The following GTF2A1 variants were observed in gnomAD, a reference collection of about 807,000 sequenced individuals.
GTF2A1 encodes the protein transcription initiation factor IIA subunit 1.
A neutral mutation model predicts 54.1 loss-of-function variants in GTF2A1; 12 were observed. That is an observed-to-expected ratio of 0.22 (90% CI 0.14 to 0.36). The LOEUF is 0.36. Among genes scored for constraint, GTF2A1 ranks in the 10% least tolerant of loss-of-function variants. The pLI, the probability that GTF2A1 is intolerant of heterozygous loss-of-function variation, is 1.00. For synonymous variants in GTF2A1, 145 were observed against 152.0 expected (o/e 0.95, Z 0.34); for missense variants, 335 against 442.2 (o/e 0.76, Z 2.17).
intron 3 of GTF2A1, 104 bp from the exon 4 acceptor site, chr14:81,201,762 TG>T: frequency 1.3e-6 from 1 of 747,576 alleles, no homozygotes; most frequent in Non-Finnish European, 2.4e-6. Flanking sequence ...ATGTTTTTCA[TG>T]TTTTCTGCAC....
intron 1 of GTF2A1, among the ~76,000 whole-genome samples, chr14:81,218,064 A>G (rs1781723946): frequency 1.3e-5 from 2 of 150,574 alleles, no homozygotes; most frequent in Admixed American, 1.3e-4. Flanking sequence ...AAGTGACTTA[A>G]CTGAATTACA....
chr14:81,181,956 C>T lies in GTF2A1; in HGVS notation c.1024-1626G>A, dbSNP rs1311798503. On this transcript the variant is annotated intron_variant, in intron 8 of 8. Coordinates refer to ENST00000553612, the MANE Select transcript of GTF2A1 (RefSeq NM_015859.4). ...TGGTTGTGCAGTGTCTGCTTAAATA[C>T]GATTAGAAACAGTGAGCAAAGAATT... 3.3e-5 allele frequency among the ~76,000 whole-genome samples: 5 copies of T among 152,290 alleles called. No homozygotes were observed. In the East Asian group the frequency reaches 7.7e-4, roughly 23 times the overall value.
intron 2 of GTF2A1, among the ~76,000 whole-genome samples, chr14:81,204,505 A>G (rs904265516): frequency 6.6e-6 from 1 of 152,206 alleles, no homozygotes; most frequent in Admixed American, 6.5e-5. Context: ...TAGAAAATAC[A>G]AAATTTTCTG....
chr14:81,202,568 G>C (rs1384530811), intron 3 of GTF2A1: 1 of 459,828 alleles, frequency 2.2e-6, no homozygotes, highest in East Asian at 5.7e-5. Context: ...AAATAAGTTC[G>C]GCATCAATAT....
intron 1 of GTF2A1, among the ~76,000 whole-genome samples, 153 bp downstream of exon 1, chr14:81,220,336 C>G (rs1460876466): frequency 1.5e-4 from 22 of 145,444 alleles, no homozygotes; most frequent in Non-Finnish European, 3.2e-4. Context: ...CGCTCCGGCC[C>G]GATCCGCCCG....
intron 2 of GTF2A1, among the ~76,000 whole-genome samples, chr14:81,216,064 A>G (rs1893482242): frequency 6.6e-6 from 1 of 152,218 alleles, no homozygotes; most frequent in African/African-American, 2.4e-5. Flanking sequence ...TCTTCCAGAC[A>G]TGTCAAGTAA....
At chr14:81,220,388 A>C in intron 1 of GTF2A1, 101 bp downstream of exon 1, 1 of 650,686 alleles carries the variant, frequency 1.5e-6, no homozygotes, top group Admixed American at 4.1e-5. Context: ...GGGCGGCTGA[A>C]GAGTCGAGGC....
intron 7 of GTF2A1, among the ~76,000 whole-genome samples, chr14:81,187,607 T>C (rs61980893): frequency 0.13 from 19,457 of 152,194 alleles, 1,436 homozygotes; most frequent in African/African-American, 0.2. Context: ...AATGGAATCA[T>C]ATAATATGTG....
At chr14:81,192,478 T>C (rs1434455783) in intron 7 of GTF2A1, 41 bp downstream of exon 7, 3 of 1,471,996 alleles carry the variant, frequency 2.0e-6, no homozygotes, top group Non-Finnish European at 2.8e-6. Flanking sequence ...AAAAAGGAAA[T>C]AATCAAGTAG....
intron 1 of GTF2A1, among the ~76,000 whole-genome samples, chr14:81,217,208 G>A (rs1184923828): frequency 6.6e-6 from 1 of 152,174 alleles, no homozygotes. Context: ...ACTACTTGGA[G>A]GAGCGGGAAG....
chr14:81,185,180 T>C (rs889317272), intron 8 of GTF2A1, among the ~76,000 whole-genome samples: 6 of 152,198 alleles, frequency 3.9e-5, no homozygotes, highest in African/African-American at 9.6e-5. Context: ...TTGAGATAGT[T>C]GAGGCTAAAT....
intron 6 of GTF2A1, among the ~76,000 whole-genome samples, chr14:81,193,167 CTTT>C (rs766925954): frequency 2.9e-5 from 4 of 139,768 alleles, no homozygotes; most frequent in Non-Finnish European, 4.7e-5. Flanking sequence ...CTGGGTCTAC[CTTT>C]TTTTTTTTTT....
At position 81,215,045 on chromosome 14, in the gene GTF2A1, T is replaced by G. The variant is rs1014322243; in HGVS notation, c.132+1368A>C. Among the ~76,000 whole-genome samples, 4 of 152,230 alleles carry G rather than the reference T, an allele frequency of 2.6e-5. No individual in the cohort carries two copies. In the South Asian group the frequency reaches 8.3e-4, roughly 31 times the overall value. ...CCATATAACTGTGAACTTTTCATAC[T>G]TTTAAAGTCCATTAATTTATCTTGC... On this transcript the variant is annotated intron_variant, in intron 2 of 8. Coordinates refer to ENST00000553612, the MANE Select transcript of GTF2A1 (RefSeq NM_015859.4).
At chr14:81,207,139 GTACCTACCTACCTACCTACC>G (rs58629753) in intron 2 of GTF2A1, among the ~76,000 whole-genome samples, 2,476 of 147,884 alleles carry the variant, frequency 0.017, 41 homozygotes, top group African/African-American at 0.044. Context: ...ACCTACCTAC[GTACCTACCTACCTACCTACC>G]TACCTACCTA....
At chr14:81,193,112 T>TAC (rs890984579) in intron 6 of GTF2A1, among the ~76,000 whole-genome samples, 1 of 152,012 alleles carries the variant, frequency 6.6e-6, no homozygotes, top group African/African-American at 2.4e-5. Context: ...ACAAAAGTTA[T>TAC]ACACTGCCTT....
At chr14:81,208,122 G>A (rs1401984623) in intron 2 of GTF2A1, among the ~76,000 whole-genome samples, 1 of 152,138 alleles carries the variant, frequency 6.6e-6, no homozygotes, top group Non-Finnish European at 1.5e-5. Context: ...CCATATCAGA[G>A]ACCTTCACTG....
rs74673517 is a variant in GTF2A1, at chr14:81,204,648, G to A, written c.133-544C>T. 7.0e-3 allele frequency among the ~76,000 whole-genome samples: 1,062 copies of A among 152,228 alleles called. 17 individuals are homozygous for A. The highest frequency in any genetic ancestry group is 0.025 in the African/African-American group (1,024 of 41,528). ...CTGTCCAATCCTACATAAAGAAAAAGAACCGGCAACGCCCGAAGGTCTTAG... is the reference window on the plus strand; with the variant it reads ...CTGTCCAATCCTACATAAAGAAAAAAAACCGGCAACGCCCGAAGGTCTTAG... On this transcript the variant is annotated intron_variant, in intron 2 of 8. Transcript: ENST00000553612.
At chr14:81,203,515 G>T (rs1864168) in intron 3 of GTF2A1, among the ~76,000 whole-genome samples, 150,920 of 152,356 alleles carry the variant, frequency 0.99, 74,844 homozygotes, top group Non-Finnish European at 1. Flanking sequence ...AATAACTATT[G>T]TACCATATAA....
chr14:81,198,269 A>AT lies in GTF2A1; in HGVS notation c.403-786dup, dbSNP rs955652413. ...AGACCAGCCTGGGCAATATGGTGAAATCCCATTTCTACAAAAAATACAAAA... is the reference window on the plus strand; with the variant it reads ...AGACCAGCCTGGGCAATATGGTGAAATTCCCATTTCTACAAAAAATACAAAA... On this transcript the variant is annotated intron_variant, in intron 4 of 8. Transcript: ENST00000553612. Among the ~76,000 whole-genome samples, 23 of 152,220 alleles carry AT rather than the reference A, an allele frequency of 1.5e-4. No homozygotes were observed. The East Asian group carries it at 3.7e-3, about 24-fold the overall frequency.
Sources: gnomAD v4.1 joint callset for allele counts (sites outside exome capture counted in the v4.1 genomes callset) on GRCh38, gnomAD v4.1.1 for gene constraint, MANE v1.5 for transcripts, NCBI Gene and HGNC (gene_info 2026-07-23, HGNC 2026-07-21) for gene names.